The following CCDC7 variants were observed in gnomAD, a reference collection of about 807,000 sequenced individuals.
CCDC7 encodes coiled-coil domain-containing protein 7.
Under a neutral mutation model 196.9 loss-of-function variants are expected in CCDC7, and 183 were observed. The observed-to-expected ratio is 0.93, with a 90% CI of 0.82 to 1.05. CCDC7 has a LOEUF of 1.05. CCDC7 is among the 50% of genes least tolerant of loss of function. CCDC7 has a pLI of 0.00. For missense variants in CCDC7, 1,540 were observed against 1,482.2 expected, an observed-to-expected ratio of 1.04 and a Z score of -0.64; for synonymous variants, 525 against 484.6, an observed-to-expected ratio of 1.08 and a Z score of -1.10.
At chr10:32,792,911 G>A (rs2082947838) in intron 29 of CCDC7, among the ~76,000 whole-genome samples, 1 of 152,074 alleles carries the variant, frequency 6.6e-6, no homozygotes. Context: ...AAGGTAGGCA[G>A]CAAAAGAGAA....
chr10:32,585,806 G>C (rs1477637362), intron 18 of CCDC7, among the ~76,000 whole-genome samples: 1 of 152,114 alleles, frequency 6.6e-6, no homozygotes, highest in African/African-American at 2.4e-5. Flanking sequence ...CCAAGCCTTT[G>C]TTATTGTGAA....
intron 18 of CCDC7, among the ~76,000 whole-genome samples, chr10:32,592,427 G>A (rs1165293234): frequency 6.6e-6 from 1 of 151,406 alleles, no homozygotes; most frequent in African/African-American, 2.4e-5. Context: ...AAGTTAGGTT[G>A]TTTATTTGAG....
intron 11 of CCDC7, among the ~76,000 whole-genome samples, chr10:32,530,071 A>G (rs1046928525): frequency 2.0e-5 from 3 of 152,154 alleles, no homozygotes; most frequent in Non-Finnish European, 4.4e-5. Context: ...GTCAAAGATC[A>G]GTTGACTATA....
chr10:32,565,639 C>A lies in CCDC7; in HGVS notation c.1197+19C>A. On this transcript the variant is annotated intron_variant, in intron 14 of 41. Coordinates refer to ENST00000639629, the Ensembl canonical transcript of CCDC7. Reference sequence around the variant, plus strand: ...TTTACAGGTAAAGGATGTCATGTTTCTTTAACATTGTTAACAAGTAAAGAA... The same window carrying A: ...TTTACAGGTAAAGGATGTCATGTTTATTTAACATTGTTAACAAGTAAAGAA... 1 of 1,596,222 alleles carries A rather than the reference C, an allele frequency of 6.3e-7. No homozygotes were observed. Among genetic ancestry groups the A allele is most frequent in the Non-Finnish European group, 8.5e-7 (1 of 1,172,210 alleles).
intron 30 of CCDC7, among the ~76,000 whole-genome samples, chr10:32,806,818 T>G (rs932990170): frequency 1.3e-5 from 2 of 152,068 alleles, no homozygotes. Context: ...GAATCTATAA[T>G]CACACTCATA....
rs1330271540 is a variant in CCDC7, at chr10:32,689,013, T to A, written c.2234-40T>A. On this transcript the variant is annotated intron_variant, in intron 22 of 41. Transcript: ENST00000639629. Reference sequence around the variant, plus strand: ...GAAATCTACAGATTTCAAATGGATTTATTTGTAATTTAGCGGACTAAACAC... The same window carrying A: ...GAAATCTACAGATTTCAAATGGATTAATTTGTAATTTAGCGGACTAAACAC... 6 of 1,251,152 alleles carry A rather than the reference T, an allele frequency of 4.8e-6. No individual in the cohort carries two copies. The East Asian group carries it at 1.4e-4, about 29-fold the overall frequency. 77.5% of individuals were successfully genotyped at this position (1,251,152 alleles called of 1,614,324 possible).
chr10:32,648,062 T>C (rs2068084881), intron 20 of CCDC7, among the ~76,000 whole-genome samples: 1 of 152,228 alleles, frequency 6.6e-6, no homozygotes, highest in South Asian at 2.1e-4. Flanking sequence ...GCAGTTATTC[T>C]AGCATCATTT....
chr10:32,670,560 G>A (rs2073860089), intron 21 of CCDC7, among the ~76,000 whole-genome samples: 1 of 103,728 alleles, frequency 9.6e-6, no homozygotes, highest in African/African-American at 4.1e-5. Context: ...CCCCACAACA[G>A]TCCCCAGAGT....
At chr10:32,821,289 G>A (rs546114750) in intron 31 of CCDC7, among the ~76,000 whole-genome samples, 97 of 152,016 alleles carry the variant, frequency 6.4e-4, no homozygotes, top group Middle Eastern at 3.4e-3. Flanking sequence ...TTAGAATGGC[G>A]ATCATTAAAA....
At chr10:32,514,062 A>G (rs1168446938) in intron 9 of CCDC7, 1 of 152,248 alleles carries the variant, frequency 6.6e-6, no homozygotes, top group African/African-American at 2.4e-5. Flanking sequence ...TGCAAATGAC[A>G]TGATTTTAGA....
intron 3 of CCDC7, among the ~76,000 whole-genome samples, chr10:32,458,953 T>C (rs1246458978): frequency 6.6e-6 from 1 of 152,130 alleles, no homozygotes; most frequent in Non-Finnish European, 1.5e-5. Context: ...GTGTGTGTCT[T>C]CTTTAATTTC....
intron 41 of CCDC7, among the ~76,000 whole-genome samples, chr10:32,867,361 T>G (rs532529648): frequency 1.3e-5 from 2 of 151,744 alleles, no homozygotes; most frequent in South Asian, 4.1e-4. Flanking sequence ...TAATAGTTTA[T>G]GTATTAAATA....
At chr10:32,490,047 A>G (rs1177560491) in intron 8 of CCDC7, among the ~76,000 whole-genome samples, 1 of 152,152 alleles carries the variant, frequency 6.6e-6, no homozygotes, top group Non-Finnish European at 1.5e-5. Context: ...GCAGGCTACT[A>G]GGAACCATGG....
In CCDC7 at chr10:32,839,009, A is replaced by C. The variant is rs532336643; in HGVS notation, c.3352+4111A>C. Reference sequence around the variant, plus strand: ...GCTCTAAATCTTGAAACAAACCCTCAAAATACACCAAAATAGAACCTCCTT... The same window carrying C: ...GCTCTAAATCTTGAAACAAACCCTCCAAATACACCAAAATAGAACCTCCTT... On this transcript the variant is annotated intron_variant, in intron 33 of 41. Coordinates refer to ENST00000639629, the Ensembl canonical transcript of CCDC7. Among the ~76,000 whole-genome samples, 443 of 152,074 alleles carry C rather than the reference A, an allele frequency of 2.9e-3. 3 individuals carry two copies. Among genetic ancestry groups the C allele is most frequent in the Non-Finnish European group, 4.8e-3 (326 of 67,938 alleles).
exon 19 of CCDC7, chr10:32,634,354 A>G: frequency 8.9e-7 from 1 of 1,124,322 alleles, no homozygotes; most frequent in Non-Finnish European, 1.1e-6. Context: ...CTAGTATGGA[A>G]AGACATGAGG....
At chr10:32,774,453 G>A (rs369142235) in intron 28 of CCDC7, among the ~76,000 whole-genome samples, 2 of 152,286 alleles carry the variant, frequency 1.3e-5, no homozygotes, top group East Asian at 3.9e-4. Context: ...TGGGAACCAT[G>A]TGTCTAGGGA....
chr10:32,873,101 G>A (rs570141132), intron 41 of CCDC7, among the ~76,000 whole-genome samples: 2 of 152,196 alleles, frequency 1.3e-5, no homozygotes, highest in East Asian at 1.9e-4. Context: ...CTAGATTAGG[G>A]AAGTTCTCCT....
intron 21 of CCDC7, among the ~76,000 whole-genome samples, chr10:32,671,865 G>GA (rs1565071757): frequency 3.9e-5 from 6 of 151,998 alleles, no homozygotes; most frequent in African/African-American, 1.4e-4. Flanking sequence ...CAAAGATTTC[G>GA]AGGATCCTCA....
At chr10:32,859,544 CAGAAGACA>C (rs1303391236) in intron 41 of CCDC7, among the ~76,000 whole-genome samples, 2 of 152,000 alleles carry the variant, frequency 1.3e-5, no homozygotes, top group Non-Finnish European at 2.9e-5. Flanking sequence ...CAAAAGCTAG[CAGAAGACA>C]AGAAATAACT....
Sources: gnomAD v4.1 joint callset for allele counts (sites outside exome capture counted in the v4.1 genomes callset) on GRCh38, gnomAD v4.1.1 for gene constraint, MANE v1.5 for transcripts, NCBI Gene and HGNC (gene_info 2026-07-23, HGNC 2026-07-21) for gene names.